NPIPB11: variants seen among roughly 807,000 people sequenced by gnomAD.
NPIPB11 encodes the protein nuclear pore complex-interacting protein family member B11.
A neutral mutation model predicts 32.8 loss-of-function variants in NPIPB11; 17 were observed. The ratio of observed to expected loss-of-function variants is 0.52; its 90% CI spans 0.35 to 0.78. The LOEUF is 0.78. NPIPB11 is among the 30% of genes least tolerant of loss of function. The pLI, the probability that NPIPB11 is intolerant of heterozygous loss-of-function variation, is 0.01. For synonymous variants in NPIPB11, 209 were observed against 398.4 expected (o/e 0.52, Z 5.66); for missense variants, 537 against 1,000.4 (o/e 0.54, Z 6.25).
At chr16:29,404,634 C>T, upstream of NPIPB11, among the ~76,000 whole-genome samples, 1 of 150,548 alleles carries the variant, frequency 6.6e-6, no homozygotes, top group East Asian at 2.0e-4. Flanking sequence ...CACCATAGGT[C>T]CAAGACTGGG....
At chr16:29,399,903 C>T (rs1480007251) in intron 2 of NPIPB11, among the ~76,000 whole-genome samples, 2 of 151,882 alleles carry the variant, frequency 1.3e-5, no homozygotes, top group Non-Finnish European at 2.9e-5. Flanking sequence ...ATGGTGAAAC[C>T]CCGTCTCTAC....
At chr16:29,382,071 G>A in exon 8 of NPIPB11, 1 of 482,156 alleles carries the variant, frequency 2.1e-6, no homozygotes, top group Non-Finnish European at 3.3e-6. Context: ...TGAGGGTGGA[G>A]CTGAGGGTGG....
chr16:29,405,446 G>T (rs1964093166), upstream of NPIPB11, among the ~76,000 whole-genome samples: 1 of 152,138 alleles, frequency 6.6e-6, no homozygotes, highest in Non-Finnish European at 1.5e-5. Context: ...ATACGATAAT[G>T]ATAAGGGTTA....
At chr16:29,391,064 G>A (rs1263591388) in intron 3 of NPIPB11, among the ~76,000 whole-genome samples, 1 of 150,658 alleles carries the variant, frequency 6.6e-6, no homozygotes, top group Non-Finnish European at 1.5e-5. Flanking sequence ...GTCAAGAGAT[G>A]GAGACCATCC....
intron 5 of NPIPB11, among the ~76,000 whole-genome samples, chr16:29,389,509 A>C (rs907765735): frequency 1.3e-5 from 2 of 149,904 alleles, no homozygotes; most frequent in Non-Finnish European, 3.0e-5. Flanking sequence ...CCCCATCTCT[A>C]GTAAAAATAC....
At chr16:29,405,910 C>T (rs1465195686), upstream of NPIPB11, among the ~76,000 whole-genome samples, 2 of 152,230 alleles carry the variant, frequency 1.3e-5, no homozygotes, top group African/African-American at 4.8e-5. Flanking sequence ...AATTCAAGTA[C>T]CCCTTTTGAT....
Position 29,383,844 on chromosome 16 carries a change from G to A in NPIPB11, c.1088C>T (p.Pro363Leu). Residue 363 changes from proline (P) to leucine (L), a missense_variant, in exon 8 of 8, where the codon CCA (proline) becomes CTA (leucine). Transcript: ENST00000524087. ...CTTGATATTATCATCTGCTGAGGGT[G>A]GAGCTGAGGGTGGAAGGGGAGTGAG... is the stretch of plus-strand genomic sequence containing the variant. 25 of 1,295,198 alleles carry A rather than the reference G, an allele frequency of 1.9e-5. 2 individuals carry two copies. Among genetic ancestry groups the A allele is most frequent in the Non-Finnish European group, 2.4e-5 (23 of 963,326 alleles). The allele number at this position is 1,295,198 out of a possible 1,614,324, so 80.2% of individuals were successfully genotyped here.
intron 2 of NPIPB11, among the ~76,000 whole-genome samples, chr16:29,395,933 G>A (rs1043441990): frequency 3.9e-4 from 59 of 150,956 alleles, no homozygotes; most frequent in Middle Eastern, 6.8e-3. Flanking sequence ...AGCCGAGATT[G>A]CACCACTGCA....
intron 5 of NPIPB11, 44 bp downstream of exon 5, chr16:29,389,897 G>A (rs1287948035): frequency 3.2e-6 from 5 of 1,570,198 alleles, no homozygotes; most frequent in Non-Finnish European, 4.3e-6. Flanking sequence ...ACTTTGATTG[G>A]CACATGGTTC....
chr16:29,397,156 G>A (rs374018316), intron 2 of NPIPB11, among the ~76,000 whole-genome samples: 1 of 126,396 alleles, frequency 7.9e-6, no homozygotes, highest in Non-Finnish European at 1.7e-5. Flanking sequence ...GGGCGACAGA[G>A]TGAGACTCTG....
At chr16:29,401,127 C>T (rs903397130) in intron 2 of NPIPB11, among the ~76,000 whole-genome samples, 4 of 152,120 alleles carry the variant, frequency 2.6e-5, no homozygotes, top group Non-Finnish European at 2.9e-5. Flanking sequence ...GACACGGGGG[C>T]ACTGTCAGTG....
chr16:29,395,903 G>A (rs1198868307), intron 2 of NPIPB11, among the ~76,000 whole-genome samples: 26 of 150,900 alleles, frequency 1.7e-4, no homozygotes, highest in African/African-American at 3.9e-4. Flanking sequence ...ACTTGAACCC[G>A]GGAGGCAGAG....
At chr16:29,406,329 C>A (rs1372980166), upstream of NPIPB11, among the ~76,000 whole-genome samples, 3 of 152,262 alleles carry the variant, frequency 2.0e-5, no homozygotes, top group African/African-American at 7.2e-5. Context: ...TGTTGATATA[C>A]GTGTTCCAAA....
At chr16:29,389,764 G>T (rs2142123545) in intron 5 of NPIPB11, among the ~76,000 whole-genome samples, 177 bp downstream of exon 5, 1 of 149,732 alleles carries the variant, frequency 6.7e-6, no homozygotes, top group African/African-American at 2.5e-5. Context: ...AAACAAGAAT[G>T]TAGGAAGGGA....
chr16:29,389,672 A>G (rs1267994160), intron 5 of NPIPB11, among the ~76,000 whole-genome samples: 54 of 59,976 alleles, frequency 9.0e-4, no homozygotes, highest in Admixed American at 8.6e-3. Context: ...TCTCAGGAAA[A>G]AAAAAAAAAA....
chr16:29,390,419 A>G (rs556383695), intron 3 of NPIPB11, 71 bp from the exon 4 acceptor site: 48 of 1,595,282 alleles, frequency 3.0e-5, no homozygotes, highest in Middle Eastern at 2.3e-4. Context: ...TACTTCGGGA[A>G]GCTGAGGCAG....
intron 2 of NPIPB11, among the ~76,000 whole-genome samples, chr16:29,395,929 G>A (rs1381074379): frequency 6.6e-6 from 1 of 150,848 alleles, no homozygotes; most frequent in Non-Finnish European, 1.5e-5. Context: ...AGTGAGCCGA[G>A]ATTGCACCAC....
At chr16:29,397,386 T>A (rs1378294050) in intron 2 of NPIPB11, among the ~76,000 whole-genome samples, 2 of 151,220 alleles carry the variant, frequency 1.3e-5, no homozygotes, top group Non-Finnish European at 2.9e-5. Context: ...TTTTTTGGAA[T>A]TTTTTGTAGA....
chr16:29,396,101 CTGAG>C (rs1310249581), intron 2 of NPIPB11, among the ~76,000 whole-genome samples: 2 of 149,782 alleles, frequency 1.3e-5, no homozygotes. Context: ...AAGACTTCCC[CTGAG>C]TAAGTTCAGA....
Sources: allele counts gnomAD v4.1 joint callset (sites outside exome capture counted in the v4.1 genomes callset), GRCh38; gene constraint gnomAD v4.1.1; transcripts MANE v1.5; gene names NCBI Gene and HGNC (gene_info 2026-07-23, HGNC 2026-07-21).